The following PCDHGA9 variants were observed in gnomAD, a reference collection of about 807,000 sequenced individuals.
PCDHGA9 encodes the protein protocadherin gamma-A9.
In PCDHGA9, 37 loss-of-function variants were observed where a neutral mutation model predicts 62.5. The observed-to-expected ratio is 0.59, with a 90% CI of 0.46 to 0.78. The LOEUF (loss-of-function observed/expected upper bound fraction) is 0.78, where lower values mean the gene tolerates loss of function less well. PCDHGA9 is among the 30% of genes least tolerant of loss of function. PCDHGA9 has a pLI of 0.00. For missense variants in PCDHGA9, 1,138 were observed against 1,166.2 expected, an observed-to-expected ratio of 0.98 and a Z score of 0.35; for synonymous variants, 459 against 484.6, an observed-to-expected ratio of 0.95 and a Z score of 0.69.
chr5:141,427,361 A>ACC (rs781206288), intron 1 of PCDHGA9: 1 of 457,772 alleles, frequency 2.2e-6, no homozygotes, highest in South Asian at 1.5e-5. Context: ...AGGACGCAGA[A>ACC]CCCTGGACGG....
At chr5:141,460,872 T>C (rs2098999714) in intron 1 of PCDHGA9, among the ~76,000 whole-genome samples, 1 of 151,064 alleles carries the variant, frequency 6.6e-6, no homozygotes, top group South Asian at 2.1e-4. Flanking sequence ...GCAAAGGACA[T>C]TATTTCATGC....
At position 141,403,873 on chromosome 5, in the gene PCDHGA9, A is replaced by G; in HGVS notation, c.921A>G (p.Leu307=). The change falls in exon 1 of 4, where the codon CTA becomes CTG. Residue 307 remains leucine (L), a synonymous_variant. Coordinates refer to ENST00000573521, the MANE Select transcript of PCDHGA9 (RefSeq NM_018921.3). The part of the protein sequence containing the change: ...NTGEISTAKS[L]DYEECSFYEM... The stretch of plus-strand genomic sequence containing the variant: ...GGGAAATATCAACAGCAAAAAGTCT[A>G]GATTATGAAGAATGTTCATTTTATG... The G allele has an allele frequency of 6.2e-7, 1 of 1,613,840 alleles. No homozygotes were observed. Among genetic ancestry groups the G allele is most frequent in the Non-Finnish European group, 8.5e-7 (1 of 1,179,860 alleles).
chr5:141,485,826 G>A lies in PCDHGA9; in HGVS notation c.2425-8981G>A. The A allele has an allele frequency of 6.2e-7, 1 of 1,614,070 alleles. No individual in the cohort carries two copies. Among genetic ancestry groups the A allele is most frequent in the South Asian group, 1.1e-5 (1 of 91,078 alleles). Reference sequence around the variant, plus strand: ...CTGGTGCTGACTGCTGTCGATGGAGGGAACCCGCCGAGATCTGGCACCGCA... The same window carrying A: ...CTGGTGCTGACTGCTGTCGATGGAGAGAACCCGCCGAGATCTGGCACCGCA... On this transcript the variant is annotated intron_variant, in intron 1 of 3. Transcript: ENST00000573521. The surrounding 1 kb of genome is among the most constrained non-coding windows in gnomAD (Gnocchi z 5.7).
At chr5:141,456,777 A>G (rs572940615) in intron 1 of PCDHGA9, among the ~76,000 whole-genome samples, 2 of 152,214 alleles carry the variant, frequency 1.3e-5, no homozygotes, top group Admixed American at 6.5e-5. Flanking sequence ...AGCCTGGCCT[A>G]CATGGCAAAA....
chr5:141,483,436 C>T, intron 1 of PCDHGA9, among the ~76,000 whole-genome samples: 1 of 152,198 alleles, frequency 6.6e-6, no homozygotes, highest in Non-Finnish European at 1.5e-5. Context: ...GAGCTGACTA[C>T]AATAAAATCA....
At chr5:141,483,637 G>A (rs1365525499) in intron 1 of PCDHGA9, among the ~76,000 whole-genome samples, 1 of 145,878 alleles carries the variant, frequency 6.9e-6, no homozygotes, top group South Asian at 2.1e-4. Flanking sequence ...AAGGTATAGA[G>A]GGGTGTGTGT....
rs778744503 is a variant in PCDHGA9, at chr5:141,511,152, G to A, written c.2778G>A (p.Ser926=). Residue 926 remains serine (S), a synonymous_variant, in exon 4 of 4, where the codon TCG becomes TCA. Transcript: ENST00000573521. The part of the protein sequence containing the change: ...PAGGNGNKKK[S]GKKEKK ...GTGGCAATGGCAACAAGAAGAAGTCGGGCAAGAAGGAGAAGAAGTAACATG... is the reference window on the plus strand; with the variant it reads ...GTGGCAATGGCAACAAGAAGAAGTCAGGCAAGAAGGAGAAGAAGTAACATG... The A allele has an allele frequency of 2.0e-5, 32 of 1,614,022 alleles. No individual in the cohort carries two copies. Among genetic ancestry groups the A allele is most frequent in the South Asian group, 4.4e-5 (4 of 91,090 alleles).
chr5:141,435,882 C>G (rs780080571), intron 1 of PCDHGA9, among the ~76,000 whole-genome samples: 1 of 152,060 alleles, frequency 6.6e-6, no homozygotes, highest in African/African-American at 2.4e-5. Context: ...AGATTGGAAA[C>G]CCCTTAGAGA....
intron 1 of PCDHGA9, chr5:141,428,156 C>A: frequency 6.3e-7 from 1 of 1,579,884 alleles, no homozygotes; most frequent in Non-Finnish European, 8.6e-7. Context: ...CGGGAACCTG[C>A]TGGTTGCTGT....
At position 141,408,231 on chromosome 5, in the gene PCDHGA9, G is replaced by C. The variant is rs775180708; in HGVS notation, c.2424+2855G>C. 1.0e-5 allele frequency: 16 copies of C among 1,567,976 alleles called. No individual in the cohort carries two copies. The highest frequency in any genetic ancestry group is 1.2e-5 in the Non-Finnish European group (14 of 1,156,162). ...GGAGGGAGCTGCGCGCAGAGGCGCC[G>C]GGCCGGCCCGCGGCAGGTGCTATTT... is the stretch of plus-strand genomic sequence containing the variant. On this transcript the variant is annotated intron_variant, in intron 1 of 3. Transcript: ENST00000573521.
chr5:141,485,886 A>G lies in PCDHGA9; in HGVS notation c.2425-8921A>G. 1.9e-6 allele frequency: 3 copies of G among 1,614,132 alleles called. No individual in the cohort carries two copies. Among genetic ancestry groups the G allele is most frequent in the Non-Finnish European group, 2.5e-6 (3 of 1,180,016 alleles). On this transcript the variant is annotated intron_variant, in intron 1 of 3. Transcript: ENST00000573521. This position sits in a 1 kb window ranked among gnomAD's most constrained non-coding sequence, Gnocchi z 5.7. ...GTATCCGTGCTGGACGTAAACGACAACGCCCCAGCCTTCCAGCAATCCAGC... is the reference window on the plus strand; with the variant it reads ...GTATCCGTGCTGGACGTAAACGACAGCGCCCCAGCCTTCCAGCAATCCAGC...
chr5:141,465,520 G>C (rs2099104807), intron 1 of PCDHGA9, among the ~76,000 whole-genome samples: 1 of 152,144 alleles, frequency 6.6e-6, no homozygotes, highest in Non-Finnish European at 1.5e-5. Flanking sequence ...GAAGGATTCT[G>C]GGGAAGTTTT....
intron 1 of PCDHGA9, among the ~76,000 whole-genome samples, chr5:141,438,596 A>G (rs1303292978): frequency 2.8e-5 from 1 of 35,176 alleles, no homozygotes; most frequent in Non-Finnish European, 6.2e-5. Context: ...ACATACATAT[A>G]TATATATATA....
At chr5:141,428,823 T>C (rs2097162740) in intron 1 of PCDHGA9, 1 of 152,274 alleles carries the variant, frequency 6.6e-6, no homozygotes, top group Non-Finnish European at 1.5e-5. Context: ...TTAGCTTTCA[T>C]GTATTTTTGA....
chr5:141,422,940 C>G, intron 1 of PCDHGA9: 3 of 1,614,242 alleles, frequency 1.9e-6, no homozygotes, highest in Non-Finnish European at 1.7e-6. Context: ...TCCCCACAGA[C>G]GGCTCCACTG....
chr5:141,489,775 T>C lies in PCDHGA9; in HGVS notation c.2425-5032T>C, dbSNP rs748163008. The C allele has an allele frequency of 6.2e-7, 1 of 1,614,110 alleles. No homozygotes were observed. The highest frequency in any genetic ancestry group is 8.5e-7 in the Non-Finnish European group (1 of 1,179,986). Reference sequence around the variant, plus strand: ...CACTCTAAGCCCCAACAGCCACTTCTCTCTGAATGTGAAGACCCTAAAAGA... The same window carrying C: ...CACTCTAAGCCCCAACAGCCACTTCCCTCTGAATGTGAAGACCCTAAAAGA... On this transcript the variant is annotated intron_variant, in intron 1 of 3. Coordinates refer to ENST00000573521, the MANE Select transcript of PCDHGA9 (RefSeq NM_018921.3). This position sits in a 1 kb window ranked among gnomAD's most constrained non-coding sequence, Gnocchi z 4.5.
At chr5:141,508,483 G>T (rs1186425031) in intron 3 of PCDHGA9, among the ~76,000 whole-genome samples, 2 of 152,154 alleles carry the variant, frequency 1.3e-5, no homozygotes, top group East Asian at 3.9e-4. Context: ...TTACATTCTG[G>T]ATTTCCATAT....
Position 141,476,292 on chromosome 5 carries a change from G to A in PCDHGA9, c.2425-18515G>A. The A allele has an allele frequency of 1.9e-6, 3 of 1,614,144 alleles. No homozygotes were observed. The highest frequency in any genetic ancestry group is 2.5e-6 in the Non-Finnish European group (3 of 1,180,016). On this transcript the variant is annotated intron_variant, in intron 1 of 3. Transcript: ENST00000573521. This position sits in a 1 kb window ranked among gnomAD's most constrained non-coding sequence, Gnocchi z 7.6. ...GTCGCGAACCTTGGTTTGGATCTCGGTAGCCTCTCAGCCCGCAGGTTCCGG... is the reference window on the plus strand; with the variant it reads ...GTCGCGAACCTTGGTTTGGATCTCGATAGCCTCTCAGCCCGCAGGTTCCGG...
At chr5:141,428,142 C>T in intron 1 of PCDHGA9, 1 of 1,594,260 alleles carries the variant, frequency 6.3e-7, no homozygotes, top group Non-Finnish European at 8.6e-7. Flanking sequence ...CCTGGGGCTG[C>T]ACACGGGAAC....
Sources: gnomAD v4.1 joint callset for allele counts (sites outside exome capture counted in the v4.1 genomes callset) on GRCh38, gnomAD v4.1.1 for gene constraint, Gnocchi (gnomAD v3.1) non-coding constraint, MANE v1.5 for transcripts, NCBI Gene and HGNC (gene_info 2026-07-23, HGNC 2026-07-21) for gene names.